Variants in SF3A1 observed in about 807,000 individuals in gnomAD.
SF3A1 encodes the protein SAP 114.
Under a neutral mutation model 89.9 loss-of-function variants are expected in SF3A1, and 13 were observed. The ratio of observed to expected loss-of-function variants is 0.14; its 90% CI spans 0.09 to 0.23. The LOEUF (loss-of-function observed/expected upper bound fraction) is 0.23, where lower values mean the gene tolerates loss of function less well. Ranked by LOEUF, SF3A1 falls within the 10% of genes least tolerant of loss-of-function variation. SF3A1 has a pLI of 1.00. For missense variants in SF3A1, 604 were observed against 1,022.1 expected (o/e 0.59, Z 5.58); for synonymous variants, 405 against 374.4 (o/e 1.08, Z -0.94).
intron 14 of SF3A1, 49 bp from the exon 15 acceptor site, chr22:30,335,587 A>T (rs1314478696): frequency 6.2e-7 from 1 of 1,611,580 alleles, no homozygotes; most frequent in Non-Finnish European, 8.5e-7. Flanking sequence ...GGCCAGCTAG[A>T]GGAAGCTTTC....
In SF3A1 at chr22:30,356,818, C is replaced by T. The variant is rs1488528739; in HGVS notation, c.-26G>A. On this transcript the variant is annotated 5_prime_UTR_variant, in exon 1 of 16. Coordinates refer to ENST00000215793, the MANE Select transcript of SF3A1 (RefSeq NM_005877.6). ...GACTGCGACGCTCAGGGCTGCCAGTCCGCCTCGGTGTCGGTGAGCGGTGCC... is the reference window on the plus strand; with the variant it reads ...GACTGCGACGCTCAGGGCTGCCAGTTCGCCTCGGTGTCGGTGAGCGGTGCC... 2 of 1,333,760 alleles carry T rather than the reference C, an allele frequency of 1.5e-6. No homozygotes were observed. The highest frequency in any genetic ancestry group is 1.9e-6 in the Non-Finnish European group (2 of 1,033,066). 82.6% of individuals were successfully genotyped at this position (1,333,760 alleles called of 1,614,324 possible).
chr22:30,342,168 TC>T (rs1333713253), intron 6 of SF3A1, 31 bp downstream of exon 6: 4 of 1,613,330 alleles, frequency 2.5e-6, no homozygotes. Flanking sequence ...AGTTCCTGGC[TC>T]CCCATCTGGA....
Position 30,339,267 on chromosome 22 carries a change from A to G in SF3A1, c.1376-16T>C. ...ATATCCAGACCTGTACAGTCACAAA[A>G]CAGAGGCAGAGGATAGAAAGAGAAA... On this transcript the variant is annotated splice_polypyrimidine_tract_variant and intron_variant, in intron 9 of 15. Coordinates refer to ENST00000215793, the MANE Select transcript of SF3A1 (RefSeq NM_005877.6). 1 of 1,613,300 alleles carries G rather than the reference A, an allele frequency of 6.2e-7. No homozygotes were observed. Among genetic ancestry groups the G allele is most frequent in the South Asian group, 1.1e-5 (1 of 91,086 alleles).
chr22:30,348,745 G>A (rs1186225945), intron 2 of SF3A1, among the ~76,000 whole-genome samples: 1 of 152,136 alleles, frequency 6.6e-6, no homozygotes, highest in African/African-American at 2.4e-5. Context: ...CCACACATAA[G>A]AATGAAGGTG....
chr22:30,351,619 GCCT>G (rs1931597459), intron 2 of SF3A1, among the ~76,000 whole-genome samples: 1 of 152,152 alleles, frequency 6.6e-6, no homozygotes, highest in South Asian at 2.1e-4. Flanking sequence ...TCTTGCCTCA[GCCT>G]CCTAAGTAGC....
rs531633627 is a variant in SF3A1, at chr22:30,333,673, G to A, written c.*921C>T. The A allele has an allele frequency of 4.7e-4, 72 of 152,338 alleles. No homozygotes were observed. The highest frequency in any genetic ancestry group is 1.6e-3 in the African/African-American group (66 of 41,586). 9.4% of individuals were successfully genotyped at this position (152,338 alleles called of 1,614,324 possible). Reference sequence around the variant, plus strand: ...AAGTGTTAAACAGGAATACTCACATGAGGATTACATGAGTTAAAATGGATA... The same window carrying A: ...AAGTGTTAAACAGGAATACTCACATAAGGATTACATGAGTTAAAATGGATA... On this transcript the variant is annotated 3_prime_UTR_variant, in exon 16 of 16. Coordinates refer to ENST00000215793, the MANE Select transcript of SF3A1 (RefSeq NM_005877.6).
chr22:30,346,422 G>A lies in SF3A1; in HGVS notation c.283C>T (p.Arg95Cys), dbSNP rs754648265. The change falls in exon 3 of 16, where the codon CGC becomes TGC. Residue 95 changes from arginine (R) to cysteine (C), a missense_variant. Around this residue, in one of 9 missense-constraint regions of SF3A1, gnomAD observed 162 missense variants for 229.2 expected, o/e 0.71. Transcript: ENST00000215793. ...NPNDPYHAYY[R>C]HKVSEFKEGK... The stretch of plus-strand genomic sequence containing the variant: ...TCCTTGAACTCGCTGACCTTGTGGC[G>A]GTAGTAGGCATGGTAAGGGTCATTG... 8 of 1,614,074 alleles carry A rather than the reference G, an allele frequency of 5.0e-6. No individual in the cohort carries two copies. In the Admixed American group the frequency reaches 5.0e-5, roughly 10 times the overall value.
intron 9 of SF3A1, among the ~76,000 whole-genome samples, chr22:30,339,792 T>TA (rs1350337448): frequency 3.3e-5 from 5 of 152,066 alleles, no homozygotes; most frequent in Non-Finnish European, 5.9e-5. Flanking sequence ...GATGGTGAGT[T>TA]AGAGAGGGCA....
intron 1 of SF3A1, among the ~76,000 whole-genome samples, chr22:30,353,636 T>C (rs908241620): frequency 6.6e-6 from 1 of 152,230 alleles, no homozygotes; most frequent in African/African-American, 2.4e-5. Flanking sequence ...GTCACGTTCC[T>C]CACGCTTACT....
chr22:30,342,115 C>T, intron 6 of SF3A1, 85 bp downstream of exon 6: 4 of 1,485,926 alleles, frequency 2.7e-6, no homozygotes, highest in Non-Finnish European at 3.8e-6. Flanking sequence ...AGAGATTCTA[C>T]TGCTCTCTGG....
At position 30,332,418 on chromosome 22, in the gene SF3A1, T is replaced by C. The variant is rs1298347920; in HGVS notation, c.*2176A>G. 1 of 152,252 alleles carries C rather than the reference T, an allele frequency of 6.6e-6. No homozygotes were observed. The highest frequency in any genetic ancestry group is 2.4e-5 in the African/African-American group (1 of 41,468). The allele number at this position is 152,252 out of a possible 1,614,324, so 9.4% of individuals were successfully genotyped here. A position where few individuals can be genotyped will look rare whatever the true frequency, so the allele number is the denominator to read the frequency against. ...AACAGGAGCACTTATTCCTATTTCATAGTGTGGTCTGGTGGAGCAGAGCAG... is the reference window on the plus strand; with the variant it reads ...AACAGGAGCACTTATTCCTATTTCACAGTGTGGTCTGGTGGAGCAGAGCAG... On this transcript the variant is annotated 3_prime_UTR_variant, in exon 16 of 16. Coordinates refer to ENST00000215793, the MANE Select transcript of SF3A1 (RefSeq NM_005877.6).
At chr22:30,354,757 G>A (rs541019078) in intron 1 of SF3A1, among the ~76,000 whole-genome samples, 6 of 152,110 alleles carry the variant, frequency 3.9e-5, no homozygotes, top group Non-Finnish European at 7.4e-5. Flanking sequence ...TTCCACACTC[G>A]ATGATAATAA....
chr22:30,346,230 T>C, intron 3 of SF3A1, 82 bp downstream of exon 3: 1 of 936,612 alleles, frequency 1.1e-6, no homozygotes, highest in Non-Finnish European at 1.7e-6. Flanking sequence ...GTTGTGAGAT[T>C]TGGAGTTAAT....
At chr22:30,341,956 A>G in intron 6 of SF3A1, 71 bp from the exon 7 acceptor site, 2 of 1,460,944 alleles carry the variant, frequency 1.4e-6, no homozygotes, top group Non-Finnish European at 1.9e-6. Flanking sequence ...TGAGCTCCCC[A>G]AGGGCTGGGG....
chr22:30,343,962 G>A (rs1301729774), intron 4 of SF3A1, among the ~76,000 whole-genome samples: 1 of 152,214 alleles, frequency 6.6e-6, no homozygotes, highest in East Asian at 1.9e-4. Flanking sequence ...GAGATGTACA[G>A]ACCATCCCAC....
intron 4 of SF3A1, among the ~76,000 whole-genome samples, chr22:30,344,489 C>T (rs1002927743): frequency 2.0e-5 from 3 of 152,206 alleles, no homozygotes; most frequent in African/African-American, 7.2e-5. Context: ...ACCTTGAGTA[C>T]GTGACTTCAC....
chr22:30,346,771 C>T (rs1461796768), intron 2 of SF3A1, among the ~76,000 whole-genome samples: 1 of 152,116 alleles, frequency 6.6e-6, no homozygotes, highest in African/African-American at 2.4e-5. Context: ...CCAGTTCTGC[C>T]ATTTCCAAAA....
intron 4 of SF3A1, among the ~76,000 whole-genome samples, chr22:30,344,024 C>A (rs541602201): frequency 1.3e-5 from 2 of 152,198 alleles, no homozygotes; most frequent in Non-Finnish European, 2.9e-5. Context: ...GAAAAATGTG[C>A]CACAGGCAAA....
chr22:30,349,449 T>G (rs1240525197), intron 2 of SF3A1, among the ~76,000 whole-genome samples: 1 of 151,940 alleles, frequency 6.6e-6, no homozygotes, highest in African/African-American at 2.4e-5. Context: ...CCTGGCTAAT[T>G]TTTTGTATTT....
Sources: gnomAD v4.1 joint callset for allele counts (sites outside exome capture counted in the v4.1 genomes callset) on GRCh38, gnomAD v4.1.1 for gene constraint, gnomAD v4.1.1 regional missense constraint, MANE v1.5 for transcripts, NCBI Gene and HGNC (gene_info 2026-07-23, HGNC 2026-07-21) for gene names.